The following DCDC2C variants were observed in gnomAD, a reference collection of about 807,000 sequenced individuals.
The protein encoded by DCDC2C is doublecortin domain containing 2C, also known as doublecortin domain-containing protein 2C.
In DCDC2C, 44 loss-of-function variants were observed where a neutral mutation model predicts 45.0. That is an observed-to-expected ratio of 0.98 (90% confidence interval 0.77 to 1.26). The LOEUF is 1.26. DCDC2C is among the 50% of genes most tolerant of loss of function. The pLI, the probability that DCDC2C is intolerant of heterozygous loss-of-function variation, is 0.00. For missense variants in DCDC2C, 447 were observed against 468.9 expected (o/e 0.95, Z 0.43); for synonymous variants, 187 against 178.8 (o/e 1.05, Z -0.37).
At chr2:3,748,768 C>A (rs1669449579) in intron 4 of DCDC2C, among the ~76,000 whole-genome samples, 1 of 152,110 alleles carries the variant, frequency 6.6e-6, no homozygotes, top group Non-Finnish European at 1.5e-5. Context: ...CAACCTTGGA[C>A]TATGGTTATT....
intron 4 of DCDC2C, among the ~76,000 whole-genome samples, chr2:3,749,762 G>A (rs150873708): frequency 6.6e-6 from 1 of 152,150 alleles, no homozygotes; most frequent in African/African-American, 2.4e-5. Context: ...CAAGTCCTGC[G>A]CTGAGCTATC....
At chr2:3,755,005 T>C (rs1444489197) in intron 6 of DCDC2C, among the ~76,000 whole-genome samples, 1 of 152,140 alleles carries the variant, frequency 6.6e-6, no homozygotes, top group African/African-American at 2.4e-5. Flanking sequence ...GAGGAGGACA[T>C]TCCAGGCAGA....
intron 5 of DCDC2C, among the ~76,000 whole-genome samples, chr2:3,753,945 C>T (rs556241007): frequency 4.6e-5 from 7 of 152,280 alleles, no homozygotes; most frequent in South Asian, 2.1e-4. Context: ...TGACTTAATT[C>T]GTGCTAATAG....
Position 3,831,349 on chromosome 2 carries a change from C to T in DCDC2C, c.1066-15805C>T, listed in dbSNP as rs555924970. On this transcript the variant is annotated intron_variant, in intron 10 of 10. Transcript: ENST00000399143. The stretch of plus-strand genomic sequence containing the variant: ...GTCAGAGAGCGACGTGCACAAACCT[C>T]GATGGCACAGCCTACTGCACACCTC... Among the ~76,000 whole-genome samples the T allele has an allele frequency of 2.6e-5, 4 of 152,302 alleles. No individual in the cohort carries two copies. In the East Asian group the frequency reaches 5.8e-4, roughly 22 times the overall value.
At chr2:3,811,991 A>G (rs1157187571) in intron 10 of DCDC2C, among the ~76,000 whole-genome samples, 1 of 152,128 alleles carries the variant, frequency 6.6e-6, no homozygotes, top group Non-Finnish European at 1.5e-5. Flanking sequence ...GCAGTATTTT[A>G]TTGAGGATTT....
In DCDC2C at chr2:3,736,419, G is replaced by A. The variant is rs115402036; in HGVS notation, c.417-5501G>A. 1.3e-3 allele frequency among the ~76,000 whole-genome samples: 200 copies of A among 152,308 alleles called. 1 individual carries two copies. The highest frequency in any genetic ancestry group is 4.2e-3 in the African/African-American group (175 of 41,564). On this transcript the variant is annotated intron_variant, in intron 3 of 10. Coordinates refer to ENST00000399143, the MANE Select transcript of DCDC2C (RefSeq NM_001287444.2). ...TGAGGAGGTCCTAAGGGTAGGATGC[G>A]TTGCCCCAGACCAGTGAGAAGCGTG...
intron 10 of DCDC2C, among the ~76,000 whole-genome samples, chr2:3,825,927 G>T (rs139508841): frequency 6.6e-6 from 1 of 152,150 alleles, no homozygotes. Context: ...CTGAGCCTTC[G>T]TGTCCTGAGG....
At chr2:3,710,315 C>T (rs1234650029) in intron 2 of DCDC2C, among the ~76,000 whole-genome samples, 1 of 152,098 alleles carries the variant, frequency 6.6e-6, no homozygotes, top group African/African-American at 2.4e-5. Context: ...AGGTATTAAT[C>T]CCAGCATCCT....
At chr2:3,794,270 C>A (rs1670897270) in intron 10 of DCDC2C, among the ~76,000 whole-genome samples, 1 of 152,146 alleles carries the variant, frequency 6.6e-6, no homozygotes, top group East Asian at 1.9e-4. Flanking sequence ...TTAATATTTT[C>A]ATCAACATCT....
At chr2:3,723,959 C>CTCTGTGTGTT (rs200302532) in intron 2 of DCDC2C, among the ~76,000 whole-genome samples, 4 of 152,030 alleles carry the variant, frequency 2.6e-5, no homozygotes, top group Admixed American at 6.6e-5. Context: ...TTCTCTGTCT[C>CTCTGTGTGTT]TCTGTGTGTT....
chr2:3,746,816 C>T (rs1299849909), intron 4 of DCDC2C, among the ~76,000 whole-genome samples: 1 of 152,104 alleles, frequency 6.6e-6, no homozygotes, highest in Non-Finnish European at 1.5e-5. Flanking sequence ...GGGGAGTTCT[C>T]AGAGCAGAAG....
At chr2:3,712,718 AG>A (rs1010426986) in intron 2 of DCDC2C, among the ~76,000 whole-genome samples, 10 of 152,216 alleles carry the variant, frequency 6.6e-5, no homozygotes, top group African/African-American at 2.4e-4. Context: ...GCCAAGTGCC[AG>A]GACTTCATGG....
chr2:3,741,129 T>C (rs1039517040), intron 3 of DCDC2C, among the ~76,000 whole-genome samples: 8 of 152,214 alleles, frequency 5.3e-5, no homozygotes, highest in African/African-American at 1.9e-4. Flanking sequence ...TCTAAGCACT[T>C]CCTCTCCCTC....
intron 2 of DCDC2C, among the ~76,000 whole-genome samples, chr2:3,711,665 T>C (rs1430776002): frequency 6.6e-6 from 1 of 152,230 alleles, no homozygotes; most frequent in Non-Finnish European, 1.5e-5. Context: ...ATCATAATTA[T>C]GTAGCTCATC....
intron 10 of DCDC2C, among the ~76,000 whole-genome samples, chr2:3,843,973 T>C (rs1672271041): frequency 6.6e-6 from 1 of 152,174 alleles, no homozygotes; most frequent in African/African-American, 2.4e-5. Context: ...GTCAATGATA[T>C]AGCAGCAATG....
intron 10 of DCDC2C, among the ~76,000 whole-genome samples, chr2:3,824,743 C>T (rs1186906398): frequency 6.6e-6 from 1 of 152,068 alleles, no homozygotes; most frequent in African/African-American, 2.4e-5. Context: ...CTTGCCCCTT[C>T]CCTAGCTGTA....
At chr2:3,840,368 C>A (rs1291613850) in intron 10 of DCDC2C, among the ~76,000 whole-genome samples, 1 of 152,164 alleles carries the variant, frequency 6.6e-6, no homozygotes, top group Non-Finnish European at 1.5e-5. Context: ...CCGCTGTGAA[C>A]TCCTATGAGG....
chr2:3,774,869 G>A (rs548900592), intron 8 of DCDC2C, among the ~76,000 whole-genome samples: 3 of 151,882 alleles, frequency 2.0e-5, no homozygotes, highest in East Asian at 1.9e-4. Flanking sequence ...CAGTTCAAGC[G>A]ATTCTCCTGC....
At chr2:3,712,091 C>A (rs1668226181) in intron 2 of DCDC2C, among the ~76,000 whole-genome samples, 1 of 152,164 alleles carries the variant, frequency 6.6e-6, no homozygotes, top group Non-Finnish European at 1.5e-5. Flanking sequence ...AATGGTGGAG[C>A]CAACCCTGAA....
Sources: allele counts gnomAD v4.1 joint callset (sites outside exome capture counted in the v4.1 genomes callset), GRCh38; gene constraint gnomAD v4.1.1; transcripts MANE v1.5; gene names NCBI Gene and HGNC (gene_info 2026-07-23, HGNC 2026-07-21).